SLC37A2: variants seen among roughly 807,000 people sequenced by gnomAD.
SLC37A2 encodes the protein glucose-6-phosphate exchanger SLC37A2.
SLC37A2 carries 59 observed loss-of-function variants against 70.7 expected under a neutral mutation model. The ratio of observed to expected loss-of-function variants is 0.83; its 90% CI spans 0.68 to 1.04. The LOEUF (loss-of-function observed/expected upper bound fraction) is 1.04. SLC37A2 is among the 50% of genes least tolerant of loss of function. The pLI is 0.00. For synonymous variants in SLC37A2, 257 were observed against 262.1 expected, an observed-to-expected ratio of 0.98 and a Z score of 0.19; for missense variants, 580 against 658.1, an observed-to-expected ratio of 0.88 and a Z score of 1.30.
chr11:125,075,467 T>C (rs1181036168), intron 1 of SLC37A2, among the ~76,000 whole-genome samples: 1 of 152,222 alleles, frequency 6.6e-6, no homozygotes, highest in Non-Finnish European at 1.5e-5. Flanking sequence ...TGGGAACCGG[T>C]GGCCAGAGAG....
intron 7 of SLC37A2, 38 bp from the exon 8 acceptor site, chr11:125,081,383 G>A (rs745736373): frequency 6.3e-7 from 1 of 1,590,914 alleles, no homozygotes; most frequent in Non-Finnish European, 8.6e-7. Flanking sequence ...GGGGGGCGGG[G>A]GTTGGGAAAC....
chr11:125,085,759 A>G, intron 16 of SLC37A2, 85 bp downstream of exon 16: 1 of 1,475,990 alleles, frequency 6.8e-7, no homozygotes. Flanking sequence ...AGCGTTGGCC[A>G]TTTGGGGTTC....
rs749072492 is a variant in SLC37A2 at position 125,084,889 on chromosome 11, C to T, written c.1174+16C>T. 1.9e-6 allele frequency: 3 copies of T among 1,613,236 alleles called. No homozygotes were observed. The highest frequency in any genetic ancestry group is 2.5e-6 in the Non-Finnish European group (3 of 1,179,612). ...AGCTCCATAGGTGAGGAGGAGGTTG[C>T]AAGTCCTGCCAGGCCAGGGGAAAGG... On this transcript the variant is annotated intron_variant, in intron 13 of 17. Coordinates refer to ENST00000403796, the MANE Select transcript of SLC37A2 (RefSeq NM_001145290.2).
intron 1 of SLC37A2, among the ~76,000 whole-genome samples, chr11:125,075,335 C>T (rs756870454): frequency 2.0e-5 from 3 of 152,206 alleles, no homozygotes; most frequent in Admixed American, 6.5e-5. Context: ...AGGTGGAACC[C>T]GGAAAACATT....
chr11:125,065,804 A>C (rs950209171), intron 1 of SLC37A2, among the ~76,000 whole-genome samples: 47 of 152,360 alleles, frequency 3.1e-4, no homozygotes, highest in African/African-American at 9.6e-4. Flanking sequence ...TTCCATGAAA[A>C]GCAAGAAGAT....
intron 9 of SLC37A2, 87 bp downstream of exon 9, chr11:125,081,993 A>C (rs143738181): frequency 9.7e-6 from 14 of 1,447,378 alleles, no homozygotes; most frequent in Non-Finnish European, 1.3e-5. Context: ...TGGGTGATCT[A>C]TTTTTCTAGA....
rs1033264059 is a variant in SLC37A2 at position 125,080,949 on chromosome 11, T to A, written c.694+169T>A. ...TTTCTCATTTGTAAAATAATAATAG[T>A]AATAATAATGTCTATTTCGTAGGAT... On this transcript the variant is annotated intron_variant, in intron 7 of 17. Coordinates refer to ENST00000403796, the MANE Select transcript of SLC37A2 (RefSeq NM_001145290.2). The surrounding 1 kb of genome is among the most constrained non-coding windows in gnomAD (Gnocchi z 4.3). 6.6e-6 allele frequency among the ~76,000 whole-genome samples: 1 copy of A among 152,160 alleles called. No individual in the cohort carries two copies. The highest frequency in any genetic ancestry group is 2.4e-5 in the African/African-American group (1 of 41,436).
chr11:125,088,466 C>G lies in SLC37A2; in HGVS notation c.*332C>G, dbSNP rs1350937351. 1.4e-5 allele frequency: 4 copies of G among 283,620 alleles called. No homozygotes were observed. The highest frequency in any genetic ancestry group is 8.7e-5 in the African/African-American group (4 of 46,200). 17.6% of individuals were successfully genotyped at this position (283,620 alleles called of 1,614,324 possible). A position where few individuals can be genotyped will look rare whatever the true frequency, so the allele number is the denominator to read the frequency against. The stretch of plus-strand genomic sequence containing the variant: ...GTTCAGATTCCAAGACAGAAGGCTT[C>G]ACAAGGCCAACGCCTGGAAAATGGG... On this transcript the variant is annotated 3_prime_UTR_variant, in exon 18 of 18. Transcript: ENST00000403796.
At chr11:125,066,055 C>T (rs1354274711) in intron 1 of SLC37A2, among the ~76,000 whole-genome samples, 3 of 152,214 alleles carry the variant, frequency 2.0e-5, no homozygotes, top group Admixed American at 2.0e-4. Context: ...GTGATTAATT[C>T]TGTCCCGCTG....
rs1949194486 is a variant in SLC37A2, at chr11:125,085,193, G to A, written c.1248+54G>A. On this transcript the variant is annotated intron_variant, in intron 14 of 17. Coordinates refer to ENST00000403796, the MANE Select transcript of SLC37A2 (RefSeq NM_001145290.2). ...GGACCGTTCTGGGGGCTTGGTCAGGGCCACCATCTCCAGGTCCATTTCTCC... is the reference window on the plus strand; with the variant it reads ...GGACCGTTCTGGGGGCTTGGTCAGGACCACCATCTCCAGGTCCATTTCTCC... The A allele has an allele frequency of 3.9e-6, 6 of 1,539,332 alleles. No homozygotes were observed. The East Asian group carries it at 6.7e-5, about 17-fold the overall frequency.
In SLC37A2 at chr11:125,083,884, C is replaced by A; in HGVS notation, c.1039+7C>A. 6.2e-7 allele frequency: 1 copy of A among 1,613,650 alleles called. No homozygotes were observed. Among genetic ancestry groups the A allele is most frequent in the Non-Finnish European group, 8.5e-7 (1 of 1,179,604 alleles). On this transcript the variant is annotated splice_region_variant and intron_variant, in intron 11 of 17. Transcript: ENST00000403796. The surrounding 1 kb of genome is among the most constrained non-coding windows in gnomAD (Gnocchi z 4.6). ...GATGTTGGTGGCATCATAGGTGAGG[C>A]CTTGCCCTGCTCTGCCAGCAGGCTC...
intron 10 of SLC37A2, among the ~76,000 whole-genome samples, chr11:125,082,841 G>T (rs757432096): frequency 9.2e-5 from 14 of 152,166 alleles, no homozygotes; most frequent in Non-Finnish European, 1.5e-4. Flanking sequence ...CTGCTGGGCT[G>T]CACTGGTGTT....
rs1379873102 is a variant in SLC37A2, at chr11:125,085,054, A to G, written c.1175-12A>G. The G allele has an allele frequency of 6.2e-7, 1 of 1,613,866 alleles. No individual in the cohort carries two copies. Among genetic ancestry groups the G allele is most frequent in the South Asian group, 1.1e-5 (1 of 91,076 alleles). ...GCTGCTTCTCTGACTGGCTGTCTCT[A>G]TGCTGTCCCAGTGATGCTGATCATC... is the stretch of plus-strand genomic sequence containing the variant. On this transcript the variant is annotated splice_polypyrimidine_tract_variant and intron_variant, in intron 13 of 17. Coordinates refer to ENST00000403796, the MANE Select transcript of SLC37A2 (RefSeq NM_001145290.2).
chr11:125,078,857 C>G (rs1026416659), intron 4 of SLC37A2, among the ~76,000 whole-genome samples: 2 of 151,876 alleles, frequency 1.3e-5, no homozygotes, highest in Non-Finnish European at 2.9e-5. Context: ...TTGCAAAAGA[C>G]CGCACCGAGA....
intron 1 of SLC37A2, among the ~76,000 whole-genome samples, chr11:125,076,440 C>T (rs1468860017): frequency 6.6e-6 from 1 of 152,178 alleles, no homozygotes; most frequent in Admixed American, 6.5e-5. Flanking sequence ...ACACAGGCGC[C>T]CTGACCTCAG....
At chr11:125,076,501 G>A (rs936554281) in intron 1 of SLC37A2, among the ~76,000 whole-genome samples, 3 of 152,208 alleles carry the variant, frequency 2.0e-5, no homozygotes, top group African/African-American at 4.8e-5. Context: ...GCAGGCGGAG[G>A]TGCTTCTTGT....
At chr11:125,074,017 T>G (rs1381596102) in intron 1 of SLC37A2, among the ~76,000 whole-genome samples, 1 of 152,202 alleles carries the variant, frequency 6.6e-6, no homozygotes, top group Non-Finnish European at 1.5e-5. Flanking sequence ...CCACGCCACC[T>G]GAGGCCCCTG....
At chr11:125,076,522 C>T (rs574640680) in intron 1 of SLC37A2, among the ~76,000 whole-genome samples, 4 of 152,254 alleles carry the variant, frequency 2.6e-5, no homozygotes, top group Non-Finnish European at 4.4e-5. Context: ...GGGCTGGGGC[C>T]GAGCCGGCTG....
Position 125,080,021 on chromosome 11 carries a change from A to G in SLC37A2, c.527+261A>G, listed in dbSNP as rs1388161672. On this transcript the variant is annotated intron_variant, in intron 6 of 17. Coordinates refer to ENST00000403796, the MANE Select transcript of SLC37A2 (RefSeq NM_001145290.2). This position sits in a 1 kb window ranked among gnomAD's most constrained non-coding sequence, Gnocchi z 4.3. ...TTTCAACGAAGACAAAAAGAAGCCT[A>G]TAAAACTTCCGCCCTGCCCCCCAAC... Among the ~76,000 whole-genome samples the G allele has an allele frequency of 6.6e-6, 1 of 152,232 alleles. No individual in the cohort carries two copies. Among genetic ancestry groups the G allele is most frequent in the East Asian group, 1.9e-4 (1 of 5,202 alleles).
Sources: gnomAD v4.1 joint callset for allele counts (sites outside exome capture counted in the v4.1 genomes callset) on GRCh38, gnomAD v4.1.1 for gene constraint, Gnocchi (gnomAD v3.1) non-coding constraint, MANE v1.5 for transcripts, NCBI Gene and HGNC (gene_info 2026-07-23, HGNC 2026-07-21) for gene names.